SOX6: variants seen among roughly 807,000 people sequenced by gnomAD.
SOX6 encodes transcription factor SOX-6.
A neutral mutation model predicts 97.8 loss-of-function variants in SOX6; 11 were observed. The ratio of observed to expected loss-of-function variants is 0.11; its 90% CI spans 0.07 to 0.19. SOX6 has a LOEUF of 0.19. Among genes scored for constraint, SOX6 ranks in the 10% least tolerant of loss-of-function variants. The probability of loss-of-function intolerance (pLI) is 1.00; values close to 1 mark genes in which losing one functional copy is unlikely to be tolerated. For synonymous variants in SOX6, 360 were observed against 371.4 expected, an observed-to-expected ratio of 0.97 and a Z score of 0.35; for missense variants, 810 against 1,039.5, an observed-to-expected ratio of 0.78 and a Z score of 3.04.
At chr11:16,626,866 T>C (rs1057163633) in intron 3 of SOX6, among the ~76,000 whole-genome samples, 3 of 152,092 alleles carry the variant, frequency 2.0e-5, no homozygotes, top group Non-Finnish European at 1.5e-5. Context: ...CATGTGCAGG[T>C]GTGTTACCTG....
intron 12 of SOX6, among the ~76,000 whole-genome samples, chr11:16,027,412 G>T (rs1855243523): frequency 6.6e-6 from 1 of 152,026 alleles, no homozygotes; most frequent in African/African-American, 2.4e-5. Flanking sequence ...TGAAAATCAG[G>T]CAGCTATATT....
intron 4 of SOX6, among the ~76,000 whole-genome samples, chr11:16,526,982 G>A (rs1861176602): frequency 1.3e-5 from 2 of 152,078 alleles, no homozygotes; most frequent in East Asian, 1.9e-4. Flanking sequence ...ATAATAGATA[G>A]AAACACTTTT....
At chr11:16,428,446 T>C (rs1325009574) in intron 1 of SOX6, among the ~76,000 whole-genome samples, 1 of 152,244 alleles carries the variant, frequency 6.6e-6, no homozygotes, top group African/African-American at 2.4e-5. Context: ...TTCTAGGGTT[T>C]TTATGGTTTT....
chr11:16,261,103 C>A (rs1853877729), intron 3 of SOX6, among the ~76,000 whole-genome samples: 1 of 152,086 alleles, frequency 6.6e-6, no homozygotes, highest in Non-Finnish European at 1.5e-5. Flanking sequence ...ATTATATTAC[C>A]TAAATCATGA....
intron 6 of SOX6, among the ~76,000 whole-genome samples, chr11:16,162,300 C>T (rs758514227): frequency 1.3e-5 from 2 of 152,192 alleles, no homozygotes; most frequent in Non-Finnish European, 2.9e-5. Context: ...ACAAAACCAA[C>T]TCTGTCAGTA....
chr11:15,982,247 C>T (rs142950859), intron 15 of SOX6, among the ~76,000 whole-genome samples: 191 of 152,136 alleles, frequency 1.3e-3, no homozygotes, highest in Non-Finnish European at 1.4e-3. Context: ...CATTTACTAG[C>T]TGTGTGGCCC....
intron 3 of SOX6, among the ~76,000 whole-genome samples, chr11:16,262,624 T>TA (rs1853938279): frequency 6.6e-6 from 1 of 152,078 alleles, no homozygotes; most frequent in Non-Finnish European, 1.5e-5. Context: ...GTGCTATCCT[T>TA]AGAGAGTGCA....
At chr11:16,628,607 C>G (rs1436546105) in intron 3 of SOX6, among the ~76,000 whole-genome samples, 2 of 132,936 alleles carry the variant, frequency 1.5e-5, no homozygotes, top group Admixed American at 1.6e-4. Context: ...TAGGCGACAG[C>G]AAGACTCCAT....
chr11:16,462,141 A>G (rs2133107183), intron 1 of SOX6, among the ~76,000 whole-genome samples: 1 of 152,346 alleles, frequency 6.6e-6, no homozygotes, highest in East Asian at 1.9e-4. Flanking sequence ...ACATCTTTAA[A>G]TAGCTTTCAG....
chr11:16,511,945 A>G (rs1860885153), intron 4 of SOX6, among the ~76,000 whole-genome samples: 1 of 152,198 alleles, frequency 6.6e-6, no homozygotes, highest in Non-Finnish European at 1.5e-5. Context: ...AGTCATCAGA[A>G]TTCATTCAAG....
chr11:16,087,784 C>T (rs1009892164), intron 9 of SOX6, among the ~76,000 whole-genome samples: 3 of 152,050 alleles, frequency 2.0e-5, no homozygotes, highest in African/African-American at 7.2e-5. Flanking sequence ...TTCTCTTCTC[C>T]CACTAGAAGG....
chr11:16,467,917 G>A (rs903707744), intron 1 of SOX6, among the ~76,000 whole-genome samples: 16 of 152,182 alleles, frequency 1.1e-4, no homozygotes, highest in Admixed American at 8.5e-4. Context: ...CCACCACTAA[G>A]CTTAAATAAT....
intron 6 of SOX6, among the ~76,000 whole-genome samples, chr11:16,119,594 C>G (rs1295414845): frequency 6.6e-6 from 1 of 152,142 alleles, no homozygotes; most frequent in Non-Finnish European, 1.5e-5. Context: ...TCCTGTTGCT[C>G]TTATCACAGG....
chr11:16,458,000 G>A (rs546516157), intron 1 of SOX6, among the ~76,000 whole-genome samples: 2 of 152,044 alleles, frequency 1.3e-5, no homozygotes, highest in East Asian at 1.9e-4. Flanking sequence ...TGATGATGAC[G>A]ATGATGATAA....
intron 4 of SOX6, among the ~76,000 whole-genome samples, chr11:16,508,653 G>A (rs555984917): frequency 0.016 from 2,420 of 152,126 alleles, 61 homozygotes; most frequent in African/African-American, 0.055. Context: ...ATCATGGAGA[G>A]AGAGTATAGA....
chr11:16,437,081 A>T (rs1859389289), intron 1 of SOX6, among the ~76,000 whole-genome samples: 1 of 147,386 alleles, frequency 6.8e-6, no homozygotes, highest in Admixed American at 6.9e-5. Context: ...ACATAGTGAG[A>T]CTCCATCTTT....
chr11:16,228,506 GGA>G (rs1359743782), intron 4 of SOX6, among the ~76,000 whole-genome samples: 1 of 151,960 alleles, frequency 6.6e-6, no homozygotes, highest in Non-Finnish European at 1.5e-5. Context: ...AACAGGGGTA[GGA>G]GAGAGAGAGG....
In SOX6 at chr11:16,362,909, G is replaced by A. The variant is rs187024592; in HGVS notation, c.-4-21657C>T. The stretch of plus-strand genomic sequence containing the variant: ...GAAAATGGCCACACAGGATATACCT[G>A]TGATACTTCTAGTCATAGAGATCTT... On this transcript the variant is annotated intron_variant, in intron 1 of 15. Coordinates refer to the SOX6 transcript ENST00000396356. 2.5e-3 allele frequency among the ~76,000 whole-genome samples: 385 copies of A among 152,268 alleles called. 1 individual carries two copies. Among genetic ancestry groups the A allele is most frequent in the South Asian group, 6.2e-3 (30 of 4,820 alleles).
At chr11:16,367,385 T>C (rs149895278) in intron 1 of SOX6, among the ~76,000 whole-genome samples, 1 of 152,260 alleles carries the variant, frequency 6.6e-6, no homozygotes, top group African/African-American at 2.4e-5. Flanking sequence ...AGATTTATGA[T>C]AGGCTAGAAG....
Sources: allele counts gnomAD v4.1 joint callset (sites outside exome capture counted in the v4.1 genomes callset), GRCh38; gene constraint gnomAD v4.1.1; transcripts MANE v1.5; gene names NCBI Gene and HGNC (gene_info 2026-07-23, HGNC 2026-07-21).